MED24: variants seen among roughly 807,000 people sequenced by gnomAD.
MED24 encodes the protein mediator complex subunit 24.
A neutral mutation model predicts 118.8 loss-of-function variants in MED24; 74 were observed. The ratio of observed to expected loss-of-function variants is 0.62; its 90% CI spans 0.52 to 0.76. The LOEUF is 0.76. Among genes scored for constraint, MED24 ranks in the 30% least tolerant of loss-of-function variants. The pLI, the probability that MED24 is intolerant of heterozygous loss-of-function variation, is 0.00. For synonymous variants in MED24, 521 were observed against 523.9 expected (o/e 0.99, Z 0.08); for missense variants, 1,041 against 1,278.9 (o/e 0.81, Z 2.84).
intron 3 of MED24, among the ~76,000 whole-genome samples, chr17:40,038,578 G>T (rs1160121668): frequency 6.6e-6 from 1 of 152,050 alleles, no homozygotes; most frequent in Non-Finnish European, 1.5e-5. Flanking sequence ...GGGCGTGGTG[G>T]CGCATGCCTG....
At chr17:40,021,600 AG>A (rs1300938413) in intron 23 of MED24, among the ~76,000 whole-genome samples, 5 of 152,232 alleles carry the variant, frequency 3.3e-5, no homozygotes, top group Non-Finnish European at 7.3e-5. Flanking sequence ...AAGGAAGGTC[AG>A]AGCTGGTGAG....
chr17:40,053,028 G>T (rs945387221), intron 3 of MED24, among the ~76,000 whole-genome samples: 1 of 152,124 alleles, frequency 6.6e-6, no homozygotes, highest in African/African-American at 2.4e-5. Flanking sequence ...CGACCTCCCA[G>T]GGCTCAGGTG....
chr17:40,031,037 C>T, intron 12 of MED24, 122 bp downstream of exon 12: 1 of 891,560 alleles, frequency 1.1e-6, no homozygotes, highest in Non-Finnish European at 1.8e-6. Context: ...TACCCCCAGG[C>T]ACGGTCCCAG....
chr17:40,029,286 C>T (rs1372125445), intron 13 of MED24, among the ~76,000 whole-genome samples: 1 of 152,108 alleles, frequency 6.6e-6, no homozygotes, highest in East Asian at 1.9e-4. Flanking sequence ...GCAACCTCTG[C>T]CCCCCAGGGT....
At chr17:40,036,686 C>CA (rs68118020) in intron 3 of MED24, among the ~76,000 whole-genome samples, 30,342 of 91,192 alleles carry the variant, frequency 0.33, 5,806 homozygotes, top group Middle Eastern at 0.54. Flanking sequence ...GACTCTGTCT[C>CA]AAAAAAAAAA....
chr17:40,032,222 C>A, intron 9 of MED24, 132 bp from the exon 10 acceptor site: 1 of 1,066,008 alleles, frequency 9.4e-7, no homozygotes, highest in Non-Finnish European at 1.4e-6. Flanking sequence ...AGTGAGAGCA[C>A]ACTTAGTGCT....
At position 40,032,685 on chromosome 17, in the gene MED24, C is replaced by T. The variant is rs553778340; in HGVS notation, c.900G>A (p.Thr300=). Residue 300 remains threonine, a synonymous_variant, in exon 9 of 26, where the codon ACG becomes ACA. Transcript: ENST00000394128. ...TGAAAGCTGTCCACTTGAGCTCCTC[C>T]GTACCCTCGGGAGACTCAATGAGCC... ...FVGLIESPEG[T]EELKWTAFTF... The T allele has an allele frequency of 1.4e-5, 22 of 1,613,968 alleles. No individual in the cohort carries two copies. The highest frequency in any genetic ancestry group is 2.7e-5 in the African/African-American group (2 of 75,020).
At position 40,032,035 on chromosome 17, in the gene MED24, C is replaced by T. The variant is rs1387003425; in HGVS notation, c.984+8G>A. The T allele has an allele frequency of 6.2e-7, 1 of 1,613,608 alleles. No individual in the cohort carries two copies. Among genetic ancestry groups the T allele is most frequent in the South Asian group, 1.1e-5 (1 of 91,040 alleles). On this transcript the variant is annotated splice_region_variant and intron_variant, in intron 10 of 25. Transcript: ENST00000394128. ...GCTCCCATGCCTCCATCTCAATCCC[C>T]AACTCACCTTGTCTCCATGAGAGTA...
At chr17:40,036,196 C>G (rs745548720) in intron 3 of MED24, 42 bp from the exon 4 acceptor site, 1 of 1,574,240 alleles carries the variant, frequency 6.4e-7, no homozygotes, top group Non-Finnish European at 8.7e-7. Context: ...CAACTAGTCT[C>G]CCACAGTTGA....
intron 3 of MED24, among the ~76,000 whole-genome samples, chr17:40,044,786 G>C (rs1171706297): frequency 6.6e-6 from 1 of 151,336 alleles, no homozygotes; most frequent in Non-Finnish European, 1.5e-5. Flanking sequence ...GGCTGAGGCA[G>C]GAGAATGGCG....
In MED24 at chr17:40,023,241, T is replaced by C. The variant is rs1380458585; in HGVS notation, c.2140A>G (p.Ile714Val). The C allele has an allele frequency of 1.9e-6, 3 of 1,613,954 alleles. No homozygotes were observed. The highest frequency in any genetic ancestry group is 1.1e-5 in the South Asian group (1 of 91,088). ...CCCTTCTCCAGCACCTTGGCAAAAA[T>C]GTCCGTCAGCACCTCTTTGATGGGC... ...KRPIKEVLTD[I>V]FAKVLEKGWV... Residue 714 changes from isoleucine (I) to valine (V), a missense_variant, in exon 20 of 26, where the codon ATT becomes GTT. This residue lies in a region of MED24 where 587 missense variants were observed against 694.4 expected (regional missense o/e 0.85). Transcript: ENST00000394128.
intron 16 of MED24, 72 bp from the exon 17 acceptor site, chr17:40,027,106 G>T: frequency 6.5e-7 from 1 of 1,541,614 alleles, no homozygotes; most frequent in Non-Finnish European, 8.9e-7. Flanking sequence ...ACCTGGGGCT[G>T]CACTGTTTCC....
chr17:40,048,022 G>A (rs981465450), intron 3 of MED24, among the ~76,000 whole-genome samples: 1 of 152,234 alleles, frequency 6.6e-6, no homozygotes, highest in East Asian at 1.9e-4. Flanking sequence ...GAGCCACTGC[G>A]CCCAGCGCAA....
intron 3 of MED24, among the ~76,000 whole-genome samples, chr17:40,039,857 C>T (rs536093400): frequency 1.3e-5 from 2 of 149,938 alleles, no homozygotes; most frequent in East Asian, 2.0e-4. Flanking sequence ...GATCTCAGCT[C>T]ACTGCAAGCT....
At chr17:40,050,188 G>A (rs531838021) in intron 3 of MED24, among the ~76,000 whole-genome samples, 9 of 143,642 alleles carry the variant, frequency 6.3e-5, no homozygotes, top group African/African-American at 2.3e-4. Flanking sequence ...ACGCATTCAG[G>A]TCAGGCACGG....
chr17:40,052,523 T>C (rs1985965819), intron 3 of MED24, among the ~76,000 whole-genome samples: 1 of 152,238 alleles, frequency 6.6e-6, no homozygotes, highest in Non-Finnish European at 1.5e-5. Flanking sequence ...CCCCAGGGGC[T>C]AAGCACTGTC....
chr17:40,051,142 A>G (rs997343407), intron 3 of MED24, among the ~76,000 whole-genome samples: 1 of 150,388 alleles, frequency 6.6e-6, no homozygotes, highest in Non-Finnish European at 1.5e-5. Flanking sequence ...GTCTCAAAAA[A>G]AAAAAAAAAA....
chr17:40,033,631 G>T lies in MED24; in HGVS notation c.560-175C>A, dbSNP rs529628970. ...GGGCAGCATGCACTGTTTCCAGAAG[G>T]GGGGTGGGCACCTAGAGCTGGAAAC... On this transcript the variant is annotated intron_variant, in intron 6 of 25. Transcript: ENST00000394128. The surrounding 1 kb of genome is among the most constrained non-coding windows in gnomAD (Gnocchi z 5.2). 3.8e-5 allele frequency: 27 copies of T among 703,690 alleles called. No individual in the cohort carries two copies. Among genetic ancestry groups the T allele is most frequent in the Admixed American group, 1.8e-4 (9 of 49,776 alleles). The allele number at this position is 703,690 out of a possible 1,614,324, so 43.6% of individuals were successfully genotyped here. A position where few individuals can be genotyped will look rare whatever the true frequency, so the allele number is the denominator to read the frequency against.
intron 9 of MED24, chr17:40,032,402 T>C: frequency 3.5e-6 from 2 of 572,840 alleles, no homozygotes; most frequent in Non-Finnish European, 3.1e-6. Flanking sequence ...TTTACTGCCC[T>C]GCACCTATCT....
Sources: allele counts gnomAD v4.1 joint callset (sites outside exome capture counted in the v4.1 genomes callset), GRCh38; gene constraint gnomAD v4.1.1; regional missense constraint gnomAD v4.1.1; non-coding constraint Gnocchi (gnomAD v3.1); transcripts MANE v1.5; gene names NCBI Gene and HGNC (gene_info 2026-07-23, HGNC 2026-07-21).